The following SLC26A7 variants were observed in gnomAD, a reference collection of about 807,000 sequenced individuals.
The protein encoded by SLC26A7 is solute carrier family 26 member 7.
Under a neutral mutation model 82.5 loss-of-function variants are expected in SLC26A7, and 59 were observed. The observed-to-expected ratio is 0.72, with a 90% CI of 0.58 to 0.89. The LOEUF is 0.89. SLC26A7 is among the 40% of genes least tolerant of loss of function. The pLI is 0.00. For synonymous variants in SLC26A7, 271 were observed against 274.3 expected (o/e 0.99, Z 0.12); for missense variants, 820 against 793.0 (o/e 1.03, Z -0.41).
intron 2 of SLC26A7, among the ~76,000 whole-genome samples, chr8:91,225,467 C>G (rs1362931318): frequency 6.6e-6 from 1 of 152,006 alleles, no homozygotes; most frequent in East Asian, 2.0e-4. Flanking sequence ...CACTGCTCTT[C>G]CTTCTCTCGT....
At chr8:91,390,913 G>C (rs1051550437) in intron 16 of SLC26A7, among the ~76,000 whole-genome samples, 3 of 152,170 alleles carry the variant, frequency 2.0e-5, no homozygotes, top group African/African-American at 7.2e-5. Context: ...GTCTAAACAT[G>C]GTTGTTGTAT....
chr8:91,302,761 G>A (rs928749436), intron 4 of SLC26A7, among the ~76,000 whole-genome samples: 13 of 149,490 alleles, frequency 8.7e-5, no homozygotes, highest in Non-Finnish European at 1.5e-4. Flanking sequence ...GTCACTATGA[G>A]TTAGTTTGCA....
intron 15 of SLC26A7, among the ~76,000 whole-genome samples, chr8:91,387,032 A>G (rs1301396095): frequency 6.6e-6 from 1 of 152,140 alleles, no homozygotes; most frequent in Non-Finnish European, 1.5e-5. Context: ...TGTATATTAT[A>G]TAAATTTTTT....
chr8:91,394,166 C>A, intron 18 of SLC26A7, 127 bp downstream of exon 18: 5 of 1,604,736 alleles, frequency 3.1e-6, no homozygotes, highest in Non-Finnish European at 4.3e-6. Flanking sequence ...CCACCCCACC[C>A]CACCTCAGAC....
chr8:91,255,728 C>A (rs908203937), intron 2 of SLC26A7, among the ~76,000 whole-genome samples: 2 of 152,030 alleles, frequency 1.3e-5, no homozygotes, highest in African/African-American at 4.8e-5. Flanking sequence ...TTTTATTTTT[C>A]TTTAATGCAA....
Position 91,353,011 on chromosome 8 carries a change from G to T in SLC26A7, c.1314+15G>T. 6.4e-7 allele frequency: 1 copy of T among 1,564,118 alleles called. No homozygotes were observed. The highest frequency in any genetic ancestry group is 1.2e-5 in the South Asian group (1 of 86,722). ...AAATCGATTGGGTAAGTAGAAATTTGACCTAAAACAATCCCTTTTTAGCTT... is the reference window on the plus strand; with the variant it reads ...AAATCGATTGGGTAAGTAGAAATTTTACCTAAAACAATCCCTTTTTAGCTT... On this transcript the variant is annotated intron_variant, in intron 11 of 18. Transcript: ENST00000276609.
intron 18 of SLC26A7, chr8:91,394,641 C>G: frequency 2.6e-6 from 3 of 1,132,188 alleles, no homozygotes; most frequent in Non-Finnish European, 3.2e-6. Flanking sequence ...CAGAGTCATC[C>G]CTATTGTATA....
chr8:91,383,496 C>T (rs1283108810), intron 15 of SLC26A7, among the ~76,000 whole-genome samples: 1 of 152,020 alleles, frequency 6.6e-6, no homozygotes, highest in African/African-American at 2.4e-5. Flanking sequence ...TTAAAAATAG[C>T]CCTCTCCCCT....
chr8:91,276,764 G>T (rs1419092995), intron 2 of SLC26A7, among the ~76,000 whole-genome samples: 1 of 152,116 alleles, frequency 6.6e-6, no homozygotes, highest in Non-Finnish European at 1.5e-5. Flanking sequence ...ATAAACTGCT[G>T]ATTTTTTAAA....
In SLC26A7 at chr8:91,395,154, G is replaced by A. The variant is rs1808534460; in HGVS notation, c.*57G>A. Reference sequence around the variant, plus strand: ...TACCAACTGCCTGAAGAGGCCATATGCTGGCATTTTGCACAACTTTTTGGT... The same window carrying A: ...TACCAACTGCCTGAAGAGGCCATATACTGGCATTTTGCACAACTTTTTGGT... On this transcript the variant is annotated 3_prime_UTR_variant, in exon 19 of 19. Coordinates refer to ENST00000276609, the MANE Select transcript of SLC26A7 (RefSeq NM_052832.4). 1 of 1,608,136 alleles carries A rather than the reference G, an allele frequency of 6.2e-7. No homozygotes were observed. Among genetic ancestry groups the A allele is most frequent in the African/African-American group, 1.3e-5 (1 of 74,658 alleles).
intron 1 of SLC26A7, among the ~76,000 whole-genome samples, chr8:91,214,826 G>C (rs1337111902): frequency 6.7e-6 from 1 of 149,184 alleles, no homozygotes; most frequent in Non-Finnish European, 1.5e-5. Flanking sequence ...TTTTTTTACA[G>C]TCAAGTAGAT....
At chr8:91,234,823 A>ACTTCCTT (rs1393671608) in intron 2 of SLC26A7, among the ~76,000 whole-genome samples, 2 of 74,330 alleles carry the variant, frequency 2.7e-5, no homozygotes, top group African/African-American at 1.4e-4. Flanking sequence ...CTACCTACCT[A>ACTTCCTT]CCTACTTCCT....
chr8:91,225,344 C>T (rs915420929), intron 2 of SLC26A7, among the ~76,000 whole-genome samples: 1 of 152,218 alleles, frequency 6.6e-6, no homozygotes, highest in Non-Finnish European at 1.5e-5. Context: ...TGCACAGTTC[C>T]GTGGAAAAAG....
intron 5 of SLC26A7, among the ~76,000 whole-genome samples, chr8:91,332,370 A>G (rs559921808): frequency 0.013 from 1,840 of 143,384 alleles, 32 homozygotes; most frequent in African/African-American, 0.044. Context: ...TTATATATAA[A>G]ATTATATAAT....
At position 91,389,309 on chromosome 8, in the gene SLC26A7, C is replaced by T. The variant is rs1292478155; in HGVS notation, c.1676-29C>T. 9 of 1,559,570 alleles carry T rather than the reference C, an allele frequency of 5.8e-6. No individual in the cohort carries two copies. In the East Asian group the frequency reaches 1.6e-4, roughly 27 times the overall value. ...GCAGCAGAAGTCTCTTAAAACTCTC[C>T]CTAACTCAAGTCTCTGTTTCTCCTA... On this transcript the variant is annotated intron_variant, in intron 15 of 18. Transcript: ENST00000276609.
chr8:91,375,425 G>A (rs1027080136), intron 15 of SLC26A7, among the ~76,000 whole-genome samples: 1 of 151,952 alleles, frequency 6.6e-6, no homozygotes, highest in East Asian at 1.9e-4. Flanking sequence ...TGTAGGGTTG[G>A]TCTGGTTGTC....
At chr8:91,346,164 T>G (rs1813557665) in intron 9 of SLC26A7, among the ~76,000 whole-genome samples, 1 of 152,140 alleles carries the variant, frequency 6.6e-6, no homozygotes, top group African/African-American at 2.4e-5. Context: ...GGCAGAATAT[T>G]TTCATGCTCC....
chr8:91,284,024 G>C (rs972297505), intron 2 of SLC26A7, among the ~76,000 whole-genome samples: 1 of 152,046 alleles, frequency 6.6e-6, no homozygotes, highest in African/African-American at 2.4e-5. Context: ...TAAAAAAAAT[G>C]AATACAGTAC....
At chr8:91,359,649 A>T (rs547303800) in intron 11 of SLC26A7, among the ~76,000 whole-genome samples, 1 of 152,154 alleles carries the variant, frequency 6.6e-6, no homozygotes, top group African/African-American at 2.4e-5. Context: ...GTTGGAGTGG[A>T]TAGATATCTC....
Sources: allele counts gnomAD v4.1 joint callset (sites outside exome capture counted in the v4.1 genomes callset), GRCh38; gene constraint gnomAD v4.1.1; transcripts MANE v1.5; gene names NCBI Gene and HGNC (gene_info 2026-07-23, HGNC 2026-07-21).